COL13A1: variants seen among roughly 807,000 people sequenced by gnomAD.
COL13A1 encodes collagen alpha-1(XIII) chain.
Under a neutral mutation model 130.9 loss-of-function variants are expected in COL13A1, and 89 were observed. The ratio of observed to expected loss-of-function variants is 0.68; its 90% CI spans 0.57 to 0.81. COL13A1 has a LOEUF of 0.81. Ranked by LOEUF, COL13A1 falls within the 30% of genes least tolerant of loss-of-function variation. The pLI is 0.00. For synonymous variants in COL13A1, 402 were observed against 341.6 expected (o/e 1.18, Z -1.95); for missense variants, 879 against 934.6 (o/e 0.94, Z 0.78).
intron 31 of COL13A1, 96 bp downstream of exon 31, chr10:69,932,700 G>A: frequency 1.2e-6 from 1 of 816,358 alleles, no homozygotes; most frequent in East Asian, 2.7e-5. Flanking sequence ...GCAACTGCCT[G>A]ATGTTTACGT....
chr10:69,876,969 A>T (rs2059630763), intron 5 of COL13A1, among the ~76,000 whole-genome samples: 1 of 152,078 alleles, frequency 6.6e-6, no homozygotes, highest in African/African-American at 2.4e-5. Flanking sequence ...GGCCCTGTGG[A>T]CACCTCCTCC....
chr10:69,841,313 G>A (rs1398800460), intron 2 of COL13A1, among the ~76,000 whole-genome samples: 8 of 152,018 alleles, frequency 5.3e-5, no homozygotes, highest in Non-Finnish European at 1.0e-4. Flanking sequence ...ACTGCCGAAA[G>A]CTTCCTTAGA....
At chr10:69,812,447 G>T (rs978474624) in intron 1 of COL13A1, among the ~76,000 whole-genome samples, 1 of 152,212 alleles carries the variant, frequency 6.6e-6, no homozygotes, top group African/African-American at 2.4e-5. Flanking sequence ...TTAAAAAAAA[G>T]TTAAGATATA....
rs2064741457 is a variant in COL13A1 at position 69,921,953 on chromosome 10, T to G, written c.1143+18T>G. On this transcript the variant is annotated intron_variant, in intron 22 of 40. Transcript: ENST00000645393. ...GGCAGAAGGTAGGTGTTGCTCTGAATGGAGGGTTCAAGTCCTTCGTCACCC... is the reference window on the plus strand; with the variant it reads ...GGCAGAAGGTAGGTGTTGCTCTGAAGGGAGGGTTCAAGTCCTTCGTCACCC... 1.3e-6 allele frequency: 2 copies of G among 1,597,116 alleles called. No individual in the cohort carries two copies. Among genetic ancestry groups the G allele is most frequent in the Non-Finnish European group, 1.7e-6 (2 of 1,172,022 alleles).
chr10:69,906,574 G>T (rs748301015), intron 17 of COL13A1, among the ~76,000 whole-genome samples: 5 of 152,054 alleles, frequency 3.3e-5, no homozygotes, highest in East Asian at 1.9e-4. Context: ...GACTTGTCAC[G>T]TATCTGCTTG....
chr10:69,957,289 T>C (rs1447227538), intron 40 of COL13A1, among the ~76,000 whole-genome samples: 1 of 152,226 alleles, frequency 6.6e-6, no homozygotes, highest in Non-Finnish European at 1.5e-5. Context: ...GTGACATCTT[T>C]ATGCTTTGTG....
At chr10:69,923,926 G>A (rs1397128952) in intron 24 of COL13A1, 71 bp downstream of exon 24, 40 of 1,552,234 alleles carry the variant, frequency 2.6e-5, no homozygotes, top group Non-Finnish European at 3.1e-5. Context: ...CATCCCGGCC[G>A]ACCCTAGGGG....
chr10:69,903,796 A>G (rs937003358), intron 15 of COL13A1, among the ~76,000 whole-genome samples: 3 of 152,226 alleles, frequency 2.0e-5, no homozygotes, highest in Non-Finnish European at 2.9e-5. Context: ...TTTTGCTGGA[A>G]TAGAGTCCCA....
rs184126940 is a variant in COL13A1 at position 69,900,374 on chromosome 10, T to C, written c.750+1612T>C. On this transcript the variant is annotated intron_variant, in intron 14 of 40. Transcript: ENST00000645393. ...ATCCCCCGCTTTACAAAGGAAGAAC[T>C]CAAGAGGGGTGCAGGATTCCATCCA... Among the ~76,000 whole-genome samples, 5 of 152,310 alleles carry C rather than the reference T, an allele frequency of 3.3e-5. No individual in the cohort carries two copies. In the East Asian group the frequency reaches 9.7e-4, roughly 29 times the overall value.
chr10:69,832,363 A>G (rs913985263), intron 2 of COL13A1, among the ~76,000 whole-genome samples: 36 of 152,224 alleles, frequency 2.4e-4, no homozygotes, highest in Admixed American at 4.6e-4. Flanking sequence ...CTAGCTCTCC[A>G]GCACAGCAAA....
chr10:69,915,530 G>A (rs2063823552), intron 17 of COL13A1, among the ~76,000 whole-genome samples: 1 of 152,218 alleles, frequency 6.6e-6, no homozygotes, highest in African/African-American at 2.4e-5. Context: ...TGTGTGTGCC[G>A]ATTACAAACG....
intron 2 of COL13A1, among the ~76,000 whole-genome samples, chr10:69,841,835 G>A (rs964425764): frequency 2.0e-5 from 3 of 152,204 alleles, no homozygotes; most frequent in African/African-American, 7.2e-5. Flanking sequence ...CAGTGGGAAG[G>A]GAGGATGAGG....
intron 4 of COL13A1, among the ~76,000 whole-genome samples, chr10:69,874,187 T>G (rs1589221394): frequency 6.6e-6 from 1 of 152,354 alleles, no homozygotes; most frequent in East Asian, 1.9e-4. Context: ...TAATTGCTTC[T>G]CTCTGGTGTG....
In COL13A1 at chr10:69,918,218, C is replaced by A. The variant is rs113508778; in HGVS notation, c.967-67C>A. 2.1e-3 allele frequency: 2,953 copies of A among 1,433,010 alleles called. 56 individuals are homozygous for A. In the African/African-American group the frequency reaches 0.037, roughly 18 times the overall value. 88.8% of individuals were successfully genotyped at this position (1,433,010 alleles called of 1,614,324 possible). ...CACACCATGGGGAGGCTGTCCACTG[C>A]CCCCCGCCCCCTGCTGCCCCCTCGC... On this transcript the variant is annotated intron_variant, in intron 18 of 40. Coordinates refer to ENST00000645393, the MANE Select transcript of COL13A1 (RefSeq NM_001368882.1).
chr10:69,864,769 A>T (rs1859329847), intron 2 of COL13A1, among the ~76,000 whole-genome samples: 1 of 152,200 alleles, frequency 6.6e-6, no homozygotes, highest in African/African-American at 2.4e-5. Context: ...AGGTGGGTCA[A>T]ACCCCGGCGG....
At chr10:69,952,305 G>A (rs552668567) in intron 38 of COL13A1, among the ~76,000 whole-genome samples, 13 of 152,256 alleles carry the variant, frequency 8.5e-5, no homozygotes, top group East Asian at 3.9e-4. Context: ...ACACTCAAAC[G>A]TGGGCACACA....
chr10:69,869,958 T>C (rs1216598761), intron 3 of COL13A1, among the ~76,000 whole-genome samples: 1 of 152,226 alleles, frequency 6.6e-6, no homozygotes, highest in African/African-American at 2.4e-5. Context: ...GACACTGTTA[T>C]GTTTTTATGG....
chr10:69,942,610 C>T (rs2067805954), intron 35 of COL13A1, among the ~76,000 whole-genome samples: 1 of 152,206 alleles, frequency 6.6e-6, no homozygotes, highest in South Asian at 2.1e-4. Flanking sequence ...TAAGCCTTCC[C>T]TGCCAATATT....
At chr10:69,947,419 CTG>C in intron 38 of COL13A1, 77 bp downstream of exon 38, 1 of 1,371,506 alleles carries the variant, frequency 7.3e-7, no homozygotes, top group Non-Finnish European at 1.0e-6. Context: ...TCGGTGATTC[CTG>C]ACCAACATGG....
Sources: gnomAD v4.1 joint callset for allele counts (sites outside exome capture counted in the v4.1 genomes callset) on GRCh38, gnomAD v4.1.1 for gene constraint, MANE v1.5 for transcripts, NCBI Gene and HGNC (gene_info 2026-07-23, HGNC 2026-07-21) for gene names.